Variants in CDYL2 observed in about 807,000 individuals in gnomAD.
CDYL2 encodes chromodomain Y like 2.
CDYL2 carries 23 observed loss-of-function variants against 49.4 expected under a neutral mutation model. The observed-to-expected ratio is 0.47, with a 90% CI of 0.34 to 0.66. The LOEUF (loss-of-function observed/expected upper bound fraction) is 0.66, where lower values mean the gene tolerates loss of function less well. Among genes scored for constraint, CDYL2 ranks in the 30% least tolerant of loss-of-function variants. CDYL2 has a pLI of 0.01. For synonymous variants in CDYL2, 360 were observed against 268.8 expected, an observed-to-expected ratio of 1.34 and a Z score of -3.32; for missense variants, 678 against 656.4, an observed-to-expected ratio of 1.03 and a Z score of -0.36.
At chr16:80,755,098 C>T (rs1906265129) in intron 1 of CDYL2, among the ~76,000 whole-genome samples, 1 of 152,176 alleles carries the variant, frequency 6.6e-6, no homozygotes, top group Non-Finnish European at 1.5e-5. Context: ...CTCACCTCCC[C>T]TCTCACAGCC....
At position 80,758,584 on chromosome 16, in the gene CDYL2, T is replaced by C. The variant is rs554449702; in HGVS notation, c.24+45566A>G. On this transcript the variant is annotated intron_variant, in intron 1 of 6. Coordinates refer to ENST00000570137, the MANE Select transcript of CDYL2 (RefSeq NM_152342.4). Reference sequence around the variant, plus strand: ...TTTGTGACTGAGTCCACACTGTCGCTCAGGCTGGAGGGCAGTGGCACGATC... The same window carrying C: ...TTTGTGACTGAGTCCACACTGTCGCCCAGGCTGGAGGGCAGTGGCACGATC... Among the ~76,000 whole-genome samples the C allele has an allele frequency of 7.1e-4, 98 of 138,940 alleles. No individual in the cohort carries two copies. The Middle Eastern group carries it at 0.012, about 18-fold the overall frequency. 91.2% of individuals were successfully genotyped at this position (138,940 alleles called of 152,430 possible).
intron 1 of CDYL2, among the ~76,000 whole-genome samples, chr16:80,741,433 T>G (rs8045173): frequency 0.029 from 4,437 of 152,064 alleles, 81 homozygotes; most frequent in African/African-American, 0.056. Flanking sequence ...TATTAAACAT[T>G]TTAAATTTTC....
At chr16:80,616,971 C>T (rs1314696895) in intron 4 of CDYL2, among the ~76,000 whole-genome samples, 1 of 152,236 alleles carries the variant, frequency 6.6e-6, no homozygotes, top group Non-Finnish European at 1.5e-5. Context: ...GCTTTGAGCT[C>T]AGGCGGTCTG....
At chr16:80,723,468 T>G (rs1365750324) in intron 1 of CDYL2, among the ~76,000 whole-genome samples, 1 of 152,118 alleles carries the variant, frequency 6.6e-6, no homozygotes, top group African/African-American at 2.4e-5. Context: ...AAACTCCAGG[T>G]TCCCCAAATG....
chr16:80,794,875 A>C (rs917104668), intron 1 of CDYL2, among the ~76,000 whole-genome samples: 2 of 152,092 alleles, frequency 1.3e-5, no homozygotes, highest in Admixed American at 1.3e-4. Flanking sequence ...GGCCTCCCAA[A>C]GTGCTGGGAG....
intron 1 of CDYL2, among the ~76,000 whole-genome samples, chr16:80,692,870 G>T (rs1910471254): frequency 6.6e-6 from 1 of 152,124 alleles, no homozygotes; most frequent in Non-Finnish European, 1.5e-5. Context: ...CCCATAAAAT[G>T]ACACGATCAA....
intron 1 of CDYL2, among the ~76,000 whole-genome samples, chr16:80,695,543 TG>T (rs1412763147): frequency 6.6e-6 from 1 of 151,906 alleles, no homozygotes. Flanking sequence ...AGATTGAAAG[TG>T]AAGGGATGGA....
At position 80,656,916 on chromosome 16, in the gene CDYL2, A is replaced by T. The variant is rs78964982; in HGVS notation, c.617-23680T>A. Among the ~76,000 whole-genome samples, 543 of 152,306 alleles carry T rather than the reference A, an allele frequency of 3.6e-3. 7 individuals are homozygous for T. The highest frequency in any genetic ancestry group is 5.6e-3 in the Non-Finnish European group (378 of 68,028). On this transcript the variant is annotated intron_variant, in intron 2 of 6. Transcript: ENST00000570137. ...CTTAGAGCTGGAAGCCAGGGGATGA[A>T]GTGAGCTGTCCACCCTGAAGGCAGT...
intron 2 of CDYL2, among the ~76,000 whole-genome samples, chr16:80,646,555 C>T (rs1908354891): frequency 6.6e-6 from 1 of 152,066 alleles, no homozygotes; most frequent in South Asian, 2.1e-4. Context: ...CTTTGGGAGG[C>T]CAAGGAAGGC....
At chr16:80,772,579 A>C (rs1906942806) in intron 1 of CDYL2, among the ~76,000 whole-genome samples, 1 of 152,090 alleles carries the variant, frequency 6.6e-6, no homozygotes, top group Admixed American at 6.6e-5. Context: ...CAGCCTCCCA[A>C]GTAGCTGGGA....
intron 4 of CDYL2, among the ~76,000 whole-genome samples, chr16:80,613,271 T>C (rs1214686485): frequency 6.6e-6 from 1 of 152,148 alleles, no homozygotes; most frequent in Non-Finnish European, 1.5e-5. Flanking sequence ...AGAAAGAATG[T>C]TCTAACATCT....
intron 3 of CDYL2, among the ~76,000 whole-genome samples, chr16:80,627,152 T>C (rs936895858): frequency 6.6e-6 from 1 of 152,192 alleles, no homozygotes; most frequent in East Asian, 1.9e-4. Flanking sequence ...TTCCAGCCTA[T>C]CTGGGTATAA....
intron 1 of CDYL2, among the ~76,000 whole-genome samples, chr16:80,700,597 T>C (rs937931418): frequency 6.6e-6 from 1 of 152,120 alleles, no homozygotes; most frequent in African/African-American, 2.4e-5. Flanking sequence ...GAAATGAAAA[T>C]TAAAACAGTG....
chr16:80,790,578 C>G (rs1269495616), intron 1 of CDYL2, among the ~76,000 whole-genome samples: 2 of 152,180 alleles, frequency 1.3e-5, no homozygotes, highest in South Asian at 2.1e-4. Flanking sequence ...GGTGGCAATA[C>G]AGACAAGCAA....
chr16:80,733,548 T>C (rs1905408311), intron 1 of CDYL2, among the ~76,000 whole-genome samples: 1 of 152,200 alleles, frequency 6.6e-6, no homozygotes, highest in African/African-American at 2.4e-5. Context: ...TAAGTCCCCT[T>C]GCCCTGGGGA....
rs773976154 is a variant in CDYL2 at position 80,599,125 on chromosome 16, G to C, written c.*5263C>G. 7 of 152,116 alleles carry C rather than the reference G, an allele frequency of 4.6e-5. No individual in the cohort carries two copies. The highest frequency in any genetic ancestry group is 8.8e-5 in the Non-Finnish European group (6 of 68,040). 9.4% of individuals were successfully genotyped at this position (152,116 alleles called of 1,614,324 possible). A position where few individuals can be genotyped will look rare whatever the true frequency, so the allele number is the denominator to read the frequency against. ...GCTAGAAATAAGAGCTCCAGCATCA[G>C]GCTAGATGTTGGATCAATGATATAA... is the stretch of plus-strand genomic sequence containing the variant. On this transcript the variant is annotated 3_prime_UTR_variant, in exon 7 of 7. Transcript: ENST00000570137.
At chr16:80,611,697 T>A (rs1906604522) in intron 5 of CDYL2, among the ~76,000 whole-genome samples, 1 of 152,082 alleles carries the variant, frequency 6.6e-6, no homozygotes. Context: ...TCACTAAACC[T>A]CTCTAGCCTC....
chr16:80,772,837 G>T (rs760578537), intron 1 of CDYL2, among the ~76,000 whole-genome samples: 8 of 152,010 alleles, frequency 5.3e-5, no homozygotes, highest in Non-Finnish European at 8.8e-5. Context: ...AAAAATAACA[G>T]AAAAAATGGA....
rs922614501 is a variant in CDYL2 at position 80,760,713 on chromosome 16, G to T, written c.24+43437C>A. Among the ~76,000 whole-genome samples, 16 of 151,938 alleles carry T rather than the reference G, an allele frequency of 1.1e-4. 1 individual carries two copies. The highest frequency in any genetic ancestry group is 3.9e-4 in the Admixed American group (6 of 15,218). On this transcript the variant is annotated intron_variant, in intron 1 of 6. Transcript: ENST00000570137. Reference sequence around the variant, plus strand: ...CTCACCTACGCTTCTATTATTGACTGGGGGATAAAAATCTTATAAGCCAAA... The same window carrying T: ...CTCACCTACGCTTCTATTATTGACTTGGGGATAAAAATCTTATAAGCCAAA...
Sources: allele counts gnomAD v4.1 joint callset (sites outside exome capture counted in the v4.1 genomes callset), GRCh38; gene constraint gnomAD v4.1.1; transcripts MANE v1.5; gene names NCBI Gene and HGNC (gene_info 2026-07-23, HGNC 2026-07-21).